ARID1B: variants seen among roughly 807,000 people sequenced by gnomAD.
ARID1B encodes AT-rich interaction domain 1B, also known as AT-rich interactive domain-containing protein 1B.
Under a neutral mutation model 212.3 loss-of-function variants are expected in ARID1B, and 30 were observed. The observed-to-expected ratio is 0.14, with a 90% confidence interval of 0.11 to 0.19. The LOEUF (loss-of-function observed/expected upper bound fraction) is 0.19, where lower values mean the gene tolerates loss of function less well. Ranked by LOEUF, ARID1B falls within the 10% of genes least tolerant of loss-of-function variation. The pLI, the probability that ARID1B is intolerant of heterozygous loss-of-function variation, is 1.00. For missense variants in ARID1B, 2,891 were observed against 3,204.0 expected (o/e 0.90, Z 2.36); for synonymous variants, 1,402 against 1,301.7 (o/e 1.08, Z -1.66).
intron 5 of ARID1B, among the ~76,000 whole-genome samples, chr6:157,103,350 G>T (rs1420025842): frequency 6.6e-6 from 1 of 152,114 alleles, no homozygotes; most frequent in African/African-American, 2.4e-5. Context: ...TGTCTGTATG[G>T]AATGTACATT....
chr6:156,853,359 C>T (rs370649692), intron 2 of ARID1B, among the ~76,000 whole-genome samples: 3 of 152,096 alleles, frequency 2.0e-5, no homozygotes, highest in African/African-American at 4.8e-5. Context: ...ATTTTCCCAC[C>T]GCGGGCATGA....
intron 2 of ARID1B, among the ~76,000 whole-genome samples, chr6:156,839,029 G>C (rs965537458): frequency 1.3e-5 from 2 of 152,118 alleles, no homozygotes; most frequent in Non-Finnish European, 2.9e-5. Context: ...GGGCTTCATG[G>C]AGAAATAGGG....
chr6:156,786,231 C>CA (rs1779619356), intron 1 of ARID1B, among the ~76,000 whole-genome samples: 1 of 151,878 alleles, frequency 6.6e-6, no homozygotes, highest in African/African-American at 2.4e-5. Flanking sequence ...AGTTTCTGGG[C>CA]ATCTCACCCC....
intron 4 of ARID1B, among the ~76,000 whole-genome samples, chr6:157,073,272 TTTTGTAG>T (rs1784100908): frequency 6.6e-6 from 1 of 151,968 alleles, no homozygotes; most frequent in Admixed American, 6.5e-5. Flanking sequence ...CTGCCTAAAT[TTTTGTAG>T]TTTTAGTAGA....
chr6:157,162,266 C>G (rs904246538), intron 8 of ARID1B, among the ~76,000 whole-genome samples: 1 of 152,212 alleles, frequency 6.6e-6, no homozygotes, highest in Non-Finnish European at 1.5e-5. Context: ...GATGTGGGTA[C>G]TGCATGAAAT....
chr6:157,194,799 A>C (rs1230320963), intron 15 of ARID1B: 1 of 152,180 alleles, frequency 6.6e-6, no homozygotes, highest in Non-Finnish European at 1.5e-5. Flanking sequence ...CCATTTCATG[A>C]GATAATATTA....
At chr6:156,911,645 A>G (rs1408371265) in intron 3 of ARID1B, among the ~76,000 whole-genome samples, 1 of 152,196 alleles carries the variant, frequency 6.6e-6, no homozygotes, top group Non-Finnish European at 1.5e-5. Flanking sequence ...CCTGAATGTA[A>G]TGGAAAGAGG....
intron 4 of ARID1B, among the ~76,000 whole-genome samples, chr6:156,953,279 C>G (rs148153802): frequency 6.4e-4 from 98 of 152,322 alleles, no homozygotes; most frequent in African/African-American, 2.1e-3. Context: ...CCACTCAGCC[C>G]CCTTAGCTGA....
At chr6:157,170,391 CT>C (rs1201523154) in intron 9 of ARID1B, 1 of 152,256 alleles carries the variant, frequency 6.6e-6, no homozygotes, top group Non-Finnish European at 1.5e-5. Flanking sequence ...AGGTTTGGGT[CT>C]TCAGCCTCAT....
rs1794596818 is a variant in ARID1B at position 157,208,064 on chromosome 6, T to C, written c.*173T>C. On this transcript the variant is annotated 3_prime_UTR_variant, in exon 20 of 20. Transcript: ENST00000636930. ...AAGAAATAATTAATTTGAACAGTTA[T>C]GAAATTAATATTTGCTGTCTGTGTG... is the stretch of plus-strand genomic sequence containing the variant. 2.9e-6 allele frequency: 2 copies of C among 698,544 alleles called. No individual in the cohort carries two copies. Among genetic ancestry groups the C allele is most frequent in the Non-Finnish European group, 4.1e-6 (2 of 487,350 alleles). The allele number at this position is 698,544 out of a possible 1,614,324, so 43.3% of individuals were successfully genotyped here. A position where few individuals can be genotyped will look rare whatever the true frequency, so the allele number is the denominator to read the frequency against.
intron 4 of ARID1B, among the ~76,000 whole-genome samples, chr6:156,960,886 A>G (rs1045024140): frequency 6.6e-6 from 1 of 152,190 alleles, no homozygotes; most frequent in Admixed American, 6.5e-5. Flanking sequence ...TTTATGAAAT[A>G]GAGTCCTAGG....
At chr6:156,911,414 T>C (rs1000896987) in intron 3 of ARID1B, among the ~76,000 whole-genome samples, 2 of 150,126 alleles carry the variant, frequency 1.3e-5, no homozygotes, top group African/African-American at 4.9e-5. Flanking sequence ...GTGTCGGCTG[T>C]GGCATGGTGA....
chr6:156,957,677 T>C (rs919018639), intron 4 of ARID1B, among the ~76,000 whole-genome samples: 1 of 152,212 alleles, frequency 6.6e-6, no homozygotes, highest in Non-Finnish European at 1.5e-5. Context: ...TCTGTTTAAT[T>C]GTAAAGGGGA....
At chr6:157,064,046 C>A (rs1172118894) in intron 4 of ARID1B, among the ~76,000 whole-genome samples, 2 of 152,210 alleles carry the variant, frequency 1.3e-5, no homozygotes, top group Admixed American at 6.5e-5. Flanking sequence ...TTTGTGGCAT[C>A]CGACTAGGCT....
At chr6:156,815,520 A>C (rs1312060911) in intron 1 of ARID1B, among the ~76,000 whole-genome samples, 2 of 152,138 alleles carry the variant, frequency 1.3e-5, no homozygotes, top group African/African-American at 4.8e-5. Context: ...TACTGTCAGA[A>C]TTTCATGTTG....
At chr6:156,908,070 A>G (rs1255799435) in intron 3 of ARID1B, among the ~76,000 whole-genome samples, 5 of 151,998 alleles carry the variant, frequency 3.3e-5, no homozygotes, top group Admixed American at 2.0e-4. Context: ...TGATTTTTCA[A>G]CTTTTTTAGT....
At chr6:156,805,510 C>A (rs910554296) in intron 1 of ARID1B, among the ~76,000 whole-genome samples, 2 of 152,182 alleles carry the variant, frequency 1.3e-5, no homozygotes, top group Non-Finnish European at 2.9e-5. Flanking sequence ...CAGGTTTACA[C>A]TTCACCAAGG....
At chr6:156,910,381 C>T (rs576276044) in intron 3 of ARID1B, among the ~76,000 whole-genome samples, 1 of 152,304 alleles carries the variant, frequency 6.6e-6, no homozygotes, top group East Asian at 1.9e-4. Context: ...GGGTTGCAAG[C>T]TCTTAAATGA....
chr6:157,036,698 T>C (rs1781353996), intron 4 of ARID1B: 6 of 381,388 alleles, frequency 1.6e-5, no homozygotes, highest in South Asian at 1.3e-4. Flanking sequence ...GATCTCTCTT[T>C]CTTGACAACT....
Sources: gnomAD v4.1 joint callset for allele counts (sites outside exome capture counted in the v4.1 genomes callset) on GRCh38, gnomAD v4.1.1 for gene constraint, MANE v1.5 for transcripts, NCBI Gene and HGNC (gene_info 2026-07-23, HGNC 2026-07-21) for gene names.